Variants in FEZF2 observed in about 807,000 individuals in gnomAD.
FEZF2 encodes FEZ family zinc finger 2.
In FEZF2, 2 loss-of-function variants were observed where a neutral mutation model predicts 32.8. The ratio of observed to expected loss-of-function variants is 0.06; its 90% CI spans 0.02 to 0.19. The LOEUF is 0.19. Ranked by LOEUF, FEZF2 falls within the 10% of genes least tolerant of loss-of-function variation. FEZF2 has a pLI of 1.00. For synonymous variants in FEZF2, 322 were observed against 284.8 expected (o/e 1.13, Z -1.32); for missense variants, 516 against 625.4 (o/e 0.83, Z 1.87).
chr3:62,373,060 A>C lies in FEZF2; in HGVS notation c.-58-134T>G. ...AAGGGTACCAAATTACCGCCCATTA[A>C]CCCGGCGCGCAAAGGAACCCACCAG... On this transcript the variant is annotated intron_variant, in intron 1 of 4. Transcript: ENST00000283268. This position sits in a 1 kb window ranked among gnomAD's most constrained non-coding sequence, Gnocchi z 5.5. The C allele has an allele frequency of 3.5e-6, 1 of 289,210 alleles. No individual in the cohort carries two copies. 17.9% of individuals were successfully genotyped at this position (289,210 alleles called of 1,614,324 possible).
In FEZF2 at chr3:62,370,605, C is replaced by G. The variant is rs1219967996; in HGVS notation, c.1121-263G>C. 1.3e-5 allele frequency among the ~76,000 whole-genome samples: 2 copies of G among 152,232 alleles called. No homozygotes were observed. The highest frequency in any genetic ancestry group is 2.4e-5 in the African/African-American group (1 of 41,470). ...ACAGAGGCTGGTGCAGCTTCCCTCC[C>G]GCCGCGCTCCGCGGGCCGGGAAACT... is the stretch of plus-strand genomic sequence containing the variant. On this transcript the variant is annotated intron_variant, in intron 4 of 4. Coordinates refer to ENST00000283268, the MANE Select transcript of FEZF2 (RefSeq NM_018008.4). This position sits in a 1 kb window ranked among gnomAD's most constrained non-coding sequence, Gnocchi z 4.2.
At position 62,369,873 on chromosome 3, in the gene FEZF2, TAA is replaced by T. The variant is rs1704245479; in HGVS notation, c.*208_*209del. The stretch of plus-strand genomic sequence containing the variant: ...TACGTTTCGGCGCACTGGATTTAAA[TAA>T]GTTTCCTGAATATACAAAGGTGGGG... On this transcript the variant is annotated 3_prime_UTR_variant, in exon 5 of 5. Transcript: ENST00000283268. The surrounding 1 kb of genome is among the most constrained non-coding windows in gnomAD (Gnocchi z 4.2). 6 of 559,788 alleles carry T rather than the reference TAA, an allele frequency of 1.1e-5. No individual in the cohort carries two copies. The highest frequency in any genetic ancestry group is 1.8e-5 in the Non-Finnish European group (6 of 332,856). The allele number at this position is 559,788 out of a possible 1,614,324, so 34.7% of individuals were successfully genotyped here.
chr3:62,370,062 G>T lies in FEZF2; in HGVS notation c.*21C>A, dbSNP rs1467761566. 2.5e-6 allele frequency: 4 copies of T among 1,610,674 alleles called. No homozygotes were observed. Among genetic ancestry groups the T allele is most frequent in the African/African-American group, 1.3e-5 (1 of 74,832 alleles). On this transcript the variant is annotated 3_prime_UTR_variant, in exon 5 of 5. Transcript: ENST00000283268. This position sits in a 1 kb window ranked among gnomAD's most constrained non-coding sequence, Gnocchi z 4.2. ...GTTTTCAGGTGGTACAGGGAGGGAA[G>T]GAAGGGCAAGGCAGTAGCTCTCAGC...
intron 2 of FEZF2, 26 bp from the exon 3 acceptor site, chr3:62,371,693 T>C (rs758140324): frequency 1.9e-6 from 3 of 1,593,500 alleles, no homozygotes; most frequent in East Asian, 2.2e-5. Flanking sequence ...GGGGGCCTTG[T>C]GGTGCGTCTG....
At chr3:62,371,437 AGG>A in intron 3 of FEZF2, 88 bp from the exon 4 acceptor site, 1 of 1,577,558 alleles carries the variant, frequency 6.3e-7, no homozygotes, top group Non-Finnish European at 8.6e-7. Flanking sequence ...TCAACCCTAG[AGG>A]GTAAGGGATA....
At position 62,372,875 on chromosome 3, in the gene FEZF2, C is replaced by T. The variant is rs1442993272; in HGVS notation, c.-7G>A. On this transcript the variant is annotated 5_prime_UTR_variant, in exon 2 of 5. Transcript: ENST00000283268. This position sits in a 1 kb window ranked among gnomAD's most constrained non-coding sequence, Gnocchi z 9.6. ...GGGAAGCCGAGCTTGCCATGGCGCGCGGAGCTGAGCCGAGCCAGGCTGGGC... is the reference window on the plus strand; with the variant it reads ...GGGAAGCCGAGCTTGCCATGGCGCGTGGAGCTGAGCCGAGCCAGGCTGGGC... 2.9e-6 allele frequency: 4 copies of T among 1,401,786 alleles called. No individual in the cohort carries two copies. The highest frequency in any genetic ancestry group is 5.7e-5 in the East Asian group (2 of 35,208). 86.8% of individuals were successfully genotyped at this position (1,401,786 alleles called of 1,614,324 possible).
Position 62,370,009 on chromosome 3 carries a change from T to G in FEZF2, c.*74A>C. 6.8e-7 allele frequency: 1 copy of G among 1,476,996 alleles called. No individual in the cohort carries two copies. The highest frequency in any genetic ancestry group is 9.0e-7 in the Non-Finnish European group (1 of 1,105,056). The allele number at this position is 1,476,996 out of a possible 1,614,324, so 91.5% of individuals were successfully genotyped here. On this transcript the variant is annotated 3_prime_UTR_variant, in exon 5 of 5. Transcript: ENST00000283268. This position sits in a 1 kb window ranked among gnomAD's most constrained non-coding sequence, Gnocchi z 4.2. ...TGCTATAGTTTTTTTTTCTTTTAAT[T>G]TTAGAAATAAGTTTATATGTGTGAT...
Position 62,372,150 on chromosome 3 carries a change from G to T in FEZF2, c.719C>A (p.Ala240Glu). ...TTCCTTCAGTACCTGCTCCAGCGGC[G>T]CCGGCAAGCGCTCCTTATGGGGATA... ...APYPHKERLP[A>E]PLEQVLKENS... The change falls in exon 2 of 5, where the codon GCG becomes GAG. Residue 240 changes from alanine (A) to glutamate (E), a missense_variant. Transcript: ENST00000283268. The surrounding 1 kb of genome is among the most constrained non-coding windows in gnomAD (Gnocchi z 9.6). The T allele has an allele frequency of 2.5e-6, 4 of 1,590,194 alleles. No individual in the cohort carries two copies. The highest frequency in any genetic ancestry group is 3.4e-6 in the Non-Finnish European group (4 of 1,167,704).
Position 62,372,049 on chromosome 3 carries a change from G to A in FEZF2, c.820C>T (p.Pro274Ser), listed in dbSNP as rs768417256. The A allele has an allele frequency of 6.2e-7, 1 of 1,608,690 alleles. No individual in the cohort carries two copies. ...KLPGGSADGK[P>S]KNFTCEVCGK... The stretch of plus-strand genomic sequence containing the variant: ...CACACCTCGCAGGTGAAGTTTTTGG[G>A]CTTGCCATCTGCGGAGCCTCCTGGC... The change falls in exon 2 of 5, where the codon CCC (proline) becomes TCC (serine). Residue 274 changes from proline (P) to serine (S), a missense_variant. This residue lies in a region of FEZF2 where 408 missense variants were observed against 382.2 expected (regional missense o/e 1.07). Transcript: ENST00000283268. This position sits in a 1 kb window ranked among gnomAD's most constrained non-coding sequence, Gnocchi z 9.6.
rs2148945491 is a variant in FEZF2, at chr3:62,371,788, G to A, written c.853-121C>T. ...CCTTCAGAAACCAGAGCCTTTTTCAGTTTGTAAAGTGCTGCCCAAACTCCT... is the reference window on the plus strand; with the variant it reads ...CCTTCAGAAACCAGAGCCTTTTTCAATTTGTAAAGTGCTGCCCAAACTCCT... On this transcript the variant is annotated intron_variant, in intron 2 of 4. Transcript: ENST00000283268. 2.0e-6 allele frequency: 3 copies of A among 1,464,704 alleles called. No homozygotes were observed. The South Asian group carries it at 4.1e-5, about 20-fold the overall frequency. The allele number at this position is 1,464,704 out of a possible 1,614,324, so 90.7% of individuals were successfully genotyped here.
Position 62,370,958 on chromosome 3 carries a change from T to A in FEZF2, c.1120+259A>T, listed in dbSNP as rs992448378. Among the ~76,000 whole-genome samples, 1 of 152,292 alleles carries A rather than the reference T, an allele frequency of 6.6e-6. No individual in the cohort carries two copies. The highest frequency in any genetic ancestry group is 1.5e-5 in the Non-Finnish European group (1 of 68,030). On this transcript the variant is annotated intron_variant, in intron 4 of 4. Transcript: ENST00000283268. The surrounding 1 kb of genome is among the most constrained non-coding windows in gnomAD (Gnocchi z 4.2). ...ATACCCTCTCCTTTTCCTACATCCT[T>A]TCCTTCTGTCCCCGTGCTTCCTTCG...
chr3:62,373,009 G>A lies in FEZF2; in HGVS notation c.-58-83C>T. On this transcript the variant is annotated intron_variant, in intron 1 of 4. Coordinates refer to ENST00000283268, the MANE Select transcript of FEZF2 (RefSeq NM_018008.4). This position sits in a 1 kb window ranked among gnomAD's most constrained non-coding sequence, Gnocchi z 5.5. ...CCGGGTCACCCATTTGCATTCAAAT[G>A]AACAGGGGCAAAACAAAGTGCACCC... 1.2e-6 allele frequency: 1 copy of A among 818,164 alleles called. No homozygotes were observed. Among genetic ancestry groups the A allele is most frequent in the Non-Finnish European group, 1.7e-6 (1 of 594,820 alleles). 50.7% of individuals were successfully genotyped at this position (818,164 alleles called of 1,614,324 possible).
chr3:62,370,473 TTCGAG>T lies in FEZF2; in HGVS notation c.1121-136_1121-132del. 1 of 902,202 alleles carries T rather than the reference TTCGAG, an allele frequency of 1.1e-6. No individual in the cohort carries two copies. The highest frequency in any genetic ancestry group is 2.3e-5 in the Admixed American group (1 of 42,958). The allele number at this position is 902,202 out of a possible 1,614,324, so 55.9% of individuals were successfully genotyped here. A position where few individuals can be genotyped will look rare whatever the true frequency, so the allele number is the denominator to read the frequency against. ...CGCTTGGCTAGGCGGGCGCGACCTC[TTCGAG>T]TGAAGAAGTTGTCAAACTTCGTAAG... On this transcript the variant is annotated intron_variant, in intron 4 of 4. Coordinates refer to ENST00000283268, the MANE Select transcript of FEZF2 (RefSeq NM_018008.4). The surrounding 1 kb of genome is among the most constrained non-coding windows in gnomAD (Gnocchi z 4.2).
chr3:62,372,654 C>G lies in FEZF2; in HGVS notation c.215G>C (p.Cys72Ser). Residue 72 changes from cysteine to serine, a missense_variant, in exon 2 of 5, where the codon TGT (cysteine) becomes TCT (serine). Physicochemically the swap from Cys to Ser is moderately radical, Grantham distance 112. Transcript: ENST00000283268. The surrounding 1 kb of genome is among the most constrained non-coding windows in gnomAD (Gnocchi z 9.6). ...KLLNLCSPLP[C>S]MIPLQPLGYE... ...GCCTAGGGGCTGGAGGGGGATCATA[C>G]AGGGCAGCGGCGAGCAGAGGTTGAG... 6.2e-7 allele frequency: 1 copy of G among 1,601,548 alleles called. No individual in the cohort carries two copies. Among genetic ancestry groups the G allele is most frequent in the Non-Finnish European group, 8.5e-7 (1 of 1,173,616 alleles).
chr3:62,371,980 C>A, intron 2 of FEZF2, 37 bp downstream of exon 2: 2 of 1,587,716 alleles, frequency 1.3e-6, no homozygotes, highest in Non-Finnish European at 1.7e-6. Context: ...CCGCCGATCG[C>A]CCCTCCCGGC....
intron 2 of FEZF2, 97 bp downstream of exon 2, chr3:62,371,920 C>T: frequency 1.3e-6 from 2 of 1,494,334 alleles, no homozygotes; most frequent in Non-Finnish European, 1.8e-6. Context: ...TACTGGGGAG[C>T]TCCTCAGCTT....
Position 62,370,062 on chromosome 3 carries a change from G to A in FEZF2, c.*21C>T. On this transcript the variant is annotated 3_prime_UTR_variant, in exon 5 of 5. Transcript: ENST00000283268. This position sits in a 1 kb window ranked among gnomAD's most constrained non-coding sequence, Gnocchi z 4.2. ...GTTTTCAGGTGGTACAGGGAGGGAA[G>A]GAAGGGCAAGGCAGTAGCTCTCAGC... The A allele has an allele frequency of 6.2e-7, 1 of 1,610,792 alleles. No individual in the cohort carries two copies. The highest frequency in any genetic ancestry group is 2.2e-5 in the East Asian group (1 of 44,786).
rs1030746066 is a variant in FEZF2, at chr3:62,371,212, G to A, written c.1120+5C>T. ...GAGAAGAGAAGGCCTCGCCTGGCAC[G>A]TTACCTTTTTGGTGAAAGCCTTTGC... On this transcript the variant is annotated splice_donor_5th_base_variant and intron_variant, in intron 4 of 4. Transcript: ENST00000283268. 3.1e-6 allele frequency: 5 copies of A among 1,614,152 alleles called. No individual in the cohort carries two copies. Among genetic ancestry groups the A allele is most frequent in the African/African-American group, 1.3e-5 (1 of 74,960 alleles).
chr3:62,372,724 G>T lies in FEZF2; in HGVS notation c.145C>A (p.Arg49=), dbSNP rs560086174. 14 of 1,609,024 alleles carry T rather than the reference G, an allele frequency of 8.7e-6. No homozygotes were observed. The African/African-American group carries it at 1.7e-4, about 20-fold the overall frequency. ...TSEPRAPFEP[R]PGALEADGSQ... ...CCGTCCGCCTCTAGCGCTCCAGGCC[G>T]GGGCTCAAAGGGCGCACGGGGCTCC... Residue 49 remains arginine (R), a synonymous_variant, in exon 2 of 5, where the codon CGG becomes AGG. Coordinates refer to ENST00000283268, the MANE Select transcript of FEZF2 (RefSeq NM_018008.4). The surrounding 1 kb of genome is among the most constrained non-coding windows in gnomAD (Gnocchi z 9.6).
Sources: allele counts gnomAD v4.1 joint callset (sites outside exome capture counted in the v4.1 genomes callset), GRCh38; gene constraint gnomAD v4.1.1; regional missense constraint gnomAD v4.1.1; non-coding constraint Gnocchi (gnomAD v3.1); transcripts MANE v1.5; gene names NCBI Gene and HGNC (gene_info 2026-07-23, HGNC 2026-07-21).